Variants in ERC1 observed in about 807,000 individuals in gnomAD.
ERC1 encodes the protein RAB6 interacting protein 2.
Under a neutral mutation model 132.0 loss-of-function variants are expected in ERC1, and 56 were observed. That is an observed-to-expected ratio of 0.42 (90% CI 0.34 to 0.53). The LOEUF (loss-of-function observed/expected upper bound fraction) is 0.53, where lower values mean the gene tolerates loss of function less well. Ranked by LOEUF, ERC1 falls within the 20% of genes least tolerant of loss-of-function variation. The pLI is 0.03. For missense variants in ERC1, 1,202 were observed against 1,349.9 expected, an observed-to-expected ratio of 0.89 and a Z score of 1.72; for synonymous variants, 478 against 476.1, an observed-to-expected ratio of 1.00 and a Z score of -0.05.
At chr12:1,284,593 C>T (rs950877364) in intron 14 of ERC1, among the ~76,000 whole-genome samples, 11 of 152,126 alleles carry the variant, frequency 7.2e-5, no homozygotes, top group African/African-American at 2.7e-4. Flanking sequence ...GCATCCTTGC[C>T]AGCATTTGTT....
intron 15 of ERC1, among the ~76,000 whole-genome samples, chr12:1,296,001 G>C (rs1369443550): frequency 7.8e-6 from 1 of 128,968 alleles, no homozygotes; most frequent in East Asian, 2.1e-4. Context: ...AGTCCTATTT[G>C]GTTTAACAGA....
At chr12:1,273,363 AT>A (rs2078015717) in intron 14 of ERC1, among the ~76,000 whole-genome samples, 2 of 152,218 alleles carry the variant, frequency 1.3e-5, no homozygotes, top group African/African-American at 4.8e-5. Flanking sequence ...TAGTGGTCAG[AT>A]ACGGTTTCTA....
intron 2 of ERC1, among the ~76,000 whole-genome samples, chr12:1,037,665 T>C (rs575503300): frequency 1.8e-3 from 276 of 152,332 alleles, no homozygotes; most frequent in Middle Eastern, 6.8e-3. Context: ...TTTGTTAGTA[T>C]TGTTTTTGGA....
At chr12:1,073,806 G>A (rs1940855408) in intron 2 of ERC1, among the ~76,000 whole-genome samples, 1 of 152,036 alleles carries the variant, frequency 6.6e-6, no homozygotes, top group African/African-American at 2.4e-5. Flanking sequence ...TAACATCATT[G>A]CAAACACATG....
intron 14 of ERC1, among the ~76,000 whole-genome samples, chr12:1,268,732 C>T (rs1197222404): frequency 1.3e-5 from 2 of 152,120 alleles, no homozygotes; most frequent in Admixed American, 6.5e-5. Flanking sequence ...TGCCACTGCA[C>T]TCCAGCCTGG....
chr12:1,157,972 G>C (rs760308702), intron 8 of ERC1, among the ~76,000 whole-genome samples: 18 of 152,072 alleles, frequency 1.2e-4, no homozygotes, highest in Non-Finnish European at 2.2e-4. Context: ...ACACTACCTG[G>C]GAGGAAATCA....
At chr12:1,247,194 G>T (rs1399290129) in intron 13 of ERC1, among the ~76,000 whole-genome samples, 1 of 151,718 alleles carries the variant, frequency 6.6e-6, no homozygotes, top group Non-Finnish European at 1.5e-5. Context: ...GCGCCACTGC[G>T]CTTCAGCCTG....
chr12:1,110,470 CT>C (rs34482988), intron 5 of ERC1, 123 bp downstream of exon 5: 55,918 of 737,048 alleles, frequency 0.076, 2,951 homozygotes, highest in South Asian at 0.16. Context: ...GGGAAGAATA[CT>C]TTTAGCATAG....
At chr12:1,314,517 C>G (rs79758494) in intron 15 of ERC1, among the ~76,000 whole-genome samples, 1 of 152,078 alleles carries the variant, frequency 6.6e-6, no homozygotes, top group Non-Finnish European at 1.5e-5. Flanking sequence ...TTAAAAAATG[C>G]GCAAAAACTT....
chr12:1,429,464 A>G (rs2092730256), intron 17 of ERC1, among the ~76,000 whole-genome samples: 1 of 152,228 alleles, frequency 6.6e-6, no homozygotes, highest in Non-Finnish European at 1.5e-5. Flanking sequence ...CTGAATCCTC[A>G]AGTTCATGTA....
At chr12:1,476,374 T>A (rs112577468) in intron 18 of ERC1, among the ~76,000 whole-genome samples, 2 of 151,366 alleles carry the variant, frequency 1.3e-5, no homozygotes, top group African/African-American at 4.9e-5. Context: ...TGAGCTATGA[T>A]CACTCCACTG....
At chr12:1,478,789 A>G (rs1405821263) in intron 18 of ERC1, among the ~76,000 whole-genome samples, 2 of 116,384 alleles carry the variant, frequency 1.7e-5, no homozygotes, top group Non-Finnish European at 3.4e-5. Context: ...ACTCTGTCTC[A>G]ATAAAAAAAA....
chr12:1,116,549 T>TATCCTGTTTG (rs1946467008), intron 7 of ERC1, among the ~76,000 whole-genome samples: 1 of 151,744 alleles, frequency 6.6e-6, no homozygotes, highest in Admixed American at 6.6e-5. Context: ...TGTTTGAAAA[T>TATCCTGTTTG]AAAGTTAGTG....
intron 2 of ERC1, among the ~76,000 whole-genome samples, chr12:1,056,926 G>A (rs1286220261): frequency 2.0e-5 from 3 of 152,076 alleles, no homozygotes; most frequent in East Asian, 1.9e-4. Context: ...TATTATCTGC[G>A]TAAATAATTT....
At chr12:998,660 C>T (rs971794269) in intron 1 of ERC1, among the ~76,000 whole-genome samples, 1 of 152,160 alleles carries the variant, frequency 6.6e-6, no homozygotes, top group African/African-American at 2.4e-5. Flanking sequence ...GTCCAGTGCA[C>T]TCAAGGCAGG....
rs374201728 is a variant in ERC1, at chr12:1,447,544, CAAAA to C, written c.3213+2804_3213+2807del. Among the ~76,000 whole-genome samples the C allele has an allele frequency of 5.4e-3, 701 of 129,566 alleles. 4 individuals carry two copies. The highest frequency in any genetic ancestry group is 0.02 in the African/African-American group (653 of 33,378). The allele number at this position is 129,566 out of a possible 152,430, so 85.0% of individuals were successfully genotyped here. On this transcript the variant is annotated intron_variant, in intron 18 of 18. Transcript: ENST00000360905. ...AACAAACAAACAGCAACAACAACAA[CAAAA>C]AAAAAAAAACCCAGTGCTTATTAAT...
At chr12:1,373,301 T>G (rs946231404) in intron 16 of ERC1, among the ~76,000 whole-genome samples, 8 of 152,226 alleles carry the variant, frequency 5.3e-5, no homozygotes, top group African/African-American at 1.9e-4. Context: ...AGTTTATATA[T>G]TCAGCAATAT....
At chr12:1,276,208 C>T (rs560874272) in intron 14 of ERC1, among the ~76,000 whole-genome samples, 1 of 151,512 alleles carries the variant, frequency 6.6e-6, no homozygotes, top group Non-Finnish European at 1.5e-5. Context: ...AGTTACATGT[C>T]TCTCTCATGT....
chr12:1,199,105 G>C (rs1326619799), intron 12 of ERC1, among the ~76,000 whole-genome samples: 1 of 150,090 alleles, frequency 6.7e-6, no homozygotes, highest in African/African-American at 2.5e-5. Context: ...CTCCAACACT[G>C]GGGATCACAA....
Sources: gnomAD v4.1 joint callset for allele counts (sites outside exome capture counted in the v4.1 genomes callset) on GRCh38, gnomAD v4.1.1 for gene constraint, MANE v1.5 for transcripts, NCBI Gene and HGNC (gene_info 2026-07-23, HGNC 2026-07-21) for gene names.